NPAS3: variants seen among roughly 807,000 people sequenced by gnomAD.
NPAS3 encodes the protein neuronal PAS domain-containing protein 3.
NPAS3 carries 14 observed loss-of-function variants against 73.1 expected under a neutral mutation model. The ratio of observed to expected loss-of-function variants is 0.19; its 90% CI spans 0.13 to 0.30. The LOEUF is 0.30. NPAS3 is among the 10% of genes least tolerant of loss of function. The pLI is 1.00. For synonymous variants in NPAS3, 620 were observed against 541.5 expected, an observed-to-expected ratio of 1.14 and a Z score of -2.01; for missense variants, 1,096 against 1,250.0, an observed-to-expected ratio of 0.88 and a Z score of 1.86.
At chr14:33,483,795 C>A (rs1332154499) in intron 4 of NPAS3, among the ~76,000 whole-genome samples, 1 of 152,186 alleles carries the variant, frequency 6.6e-6, no homozygotes, top group Non-Finnish European at 1.5e-5. Context: ...TTGAAATATG[C>A]TCCTTTTCTC....
chr14:33,147,020 A>G (rs544807979), intron 2 of NPAS3, among the ~76,000 whole-genome samples: 2 of 152,246 alleles, frequency 1.3e-5, no homozygotes, highest in South Asian at 2.1e-4. Flanking sequence ...CCTAATTTAT[A>G]TGTGGAGCAA....
chr14:33,461,010 C>T (rs2050239870), intron 4 of NPAS3, among the ~76,000 whole-genome samples: 1 of 152,148 alleles, frequency 6.6e-6, no homozygotes, highest in Non-Finnish European at 1.5e-5. Context: ...AACTGCTCAC[C>T]ATATCAACGA....
intron 4 of NPAS3, among the ~76,000 whole-genome samples, chr14:33,423,561 G>A (rs550875668): frequency 5.3e-5 from 8 of 152,000 alleles, no homozygotes; most frequent in African/African-American, 1.9e-4. Context: ...AAACATGTAT[G>A]TATATATATC....
intron 4 of NPAS3, among the ~76,000 whole-genome samples, chr14:33,544,845 T>TATATATAAA (rs2054762820): frequency 7.7e-6 from 1 of 129,748 alleles, no homozygotes; most frequent in African/African-American, 3.1e-5. Context: ...ATATATATTA[T>TATATATAAA]ATATATGTGT....
intron 4 of NPAS3, among the ~76,000 whole-genome samples, chr14:33,399,343 T>C (rs2047353099): frequency 6.6e-6 from 1 of 151,978 alleles, no homozygotes; most frequent in African/African-American, 2.4e-5. Context: ...TTAAGGAACA[T>C]GGAGTGCTTG....
chr14:33,612,373 C>A, intron 5 of NPAS3: 1 of 455,676 alleles, frequency 2.2e-6, no homozygotes, highest in Non-Finnish European at 4.4e-6. Context: ...TCCCCACGCC[C>A]TGAAACCTGT....
intron 2 of NPAS3, among the ~76,000 whole-genome samples, chr14:33,097,953 T>C (rs554165601): frequency 2.0e-5 from 3 of 152,306 alleles, no homozygotes; most frequent in African/African-American, 4.8e-5. Flanking sequence ...CTCATATTTT[T>C]CCATTTCACT....
intron 2 of NPAS3, among the ~76,000 whole-genome samples, chr14:33,069,681 A>G (rs1157983448): frequency 6.6e-6 from 1 of 152,230 alleles, no homozygotes; most frequent in Non-Finnish European, 1.5e-5. Flanking sequence ...GAACTAATAC[A>G]TGTAAAATGC....
rs2046208896 is a variant in NPAS3 at position 33,373,989 on chromosome 14, T to C, written c.468+6721T>C. ...TGTTTTTGCAAGGATCATTTATTAG[T>C]AAAATAACCCTCTTGTTCAGGACAC... On this transcript the variant is annotated intron_variant, in intron 4 of 11. Transcript: ENST00000356141. Among the ~76,000 whole-genome samples, 2 of 152,166 alleles carry C rather than the reference T, an allele frequency of 1.3e-5. 1 individual carries two copies. Among genetic ancestry groups the C allele is most frequent in the South Asian group, 4.1e-4 (2 of 4,824 alleles).
intron 6 of NPAS3, among the ~76,000 whole-genome samples, chr14:33,677,154 C>T (rs2059792844): frequency 6.6e-6 from 1 of 152,116 alleles, no homozygotes; most frequent in Admixed American, 6.5e-5. Context: ...GGCTGGTCGG[C>T]CTGGGTCTTC....
At chr14:33,072,065 A>G (rs1290430790) in intron 2 of NPAS3, among the ~76,000 whole-genome samples, 1 of 151,962 alleles carries the variant, frequency 6.6e-6, no homozygotes. Flanking sequence ...TAATTTTTGT[A>G]CTTTTAGTAG....
chr14:33,542,166 T>C (rs1369166065), intron 4 of NPAS3, among the ~76,000 whole-genome samples: 1 of 152,168 alleles, frequency 6.6e-6, no homozygotes, highest in Non-Finnish European at 1.5e-5. Context: ...GAACACAACA[T>C]ATATTCACAA....
At chr14:32,958,129 G>T (rs771570629) in intron 1 of NPAS3, among the ~76,000 whole-genome samples, 1 of 152,030 alleles carries the variant, frequency 6.6e-6, no homozygotes, top group Non-Finnish European at 1.5e-5. Context: ...GCCACCTAAA[G>T]ATTTATTTCT....
chr14:33,198,734 C>A (rs754509305), intron 2 of NPAS3, among the ~76,000 whole-genome samples: 5 of 152,206 alleles, frequency 3.3e-5, no homozygotes, highest in Admixed American at 2.0e-4. Flanking sequence ...CTGCGCCATT[C>A]GCCTGCACTC....
intron 4 of NPAS3, among the ~76,000 whole-genome samples, chr14:33,534,939 T>C (rs10140326): frequency 0.03 from 4,563 of 152,226 alleles, 228 homozygotes; most frequent in African/African-American, 0.1. Flanking sequence ...TGTGTCTGCT[T>C]TAAAGCCACA....
At chr14:33,318,651 A>G (rs2043307707) in intron 3 of NPAS3, among the ~76,000 whole-genome samples, 2 of 152,130 alleles carry the variant, frequency 1.3e-5, no homozygotes, top group South Asian at 4.1e-4. Flanking sequence ...AGGTATATGG[A>G]TATTTACTAC....
chr14:33,208,564 T>C (rs1452609105), intron 2 of NPAS3, among the ~76,000 whole-genome samples: 1 of 152,190 alleles, frequency 6.6e-6, no homozygotes, highest in Non-Finnish European at 1.5e-5. Flanking sequence ...TAAGTATACA[T>C]CTTGATGTTG....
At chr14:33,765,001 C>T (rs151243703) in intron 7 of NPAS3, among the ~76,000 whole-genome samples, 2 of 152,288 alleles carry the variant, frequency 1.3e-5, no homozygotes, top group Non-Finnish European at 2.9e-5. Context: ...AAGGAGATCT[C>T]TCCAGCTTAG....
At chr14:33,787,067 T>C (rs993066023) in intron 9 of NPAS3, among the ~76,000 whole-genome samples, 2 of 151,926 alleles carry the variant, frequency 1.3e-5, no homozygotes, top group East Asian at 3.9e-4. Flanking sequence ...AGAGAAGGTA[T>C]AGGTCCTAAA....
Sources: gnomAD v4.1 joint callset for allele counts (sites outside exome capture counted in the v4.1 genomes callset) on GRCh38, gnomAD v4.1.1 for gene constraint, MANE v1.5 for transcripts, NCBI Gene and HGNC (gene_info 2026-07-23, HGNC 2026-07-21) for gene names.